Variants in RFT1 observed in about 807,000 individuals in gnomAD.
The protein encoded by RFT1 is man(5)GlcNAc(2)-PP-dolichol translocation protein RFT1.
In RFT1, 43 loss-of-function variants were observed where a neutral mutation model predicts 62.2. That is an observed-to-expected ratio of 0.69 (90% CI 0.54 to 0.89). The LOEUF (loss-of-function observed/expected upper bound fraction) is 0.89, where lower values mean the gene tolerates loss of function less well. RFT1 is among the 40% of genes least tolerant of loss of function. The pLI is 0.00. For synonymous variants in RFT1, 262 were observed against 264.6 expected (o/e 0.99, Z 0.10); for missense variants, 605 against 649.9 (o/e 0.93, Z 0.75).
At chr3:53,092,180 A>G (rs888285632) in intron 12 of RFT1, 110 bp from the exon 13 acceptor site, 3 of 1,428,528 alleles carry the variant, frequency 2.1e-6, no homozygotes, top group African/African-American at 1.4e-5. Flanking sequence ...GATAAAAGGC[A>G]TAACAGCCAT....
intron 11 of RFT1, among the ~76,000 whole-genome samples, chr3:53,097,105 CCTG>C (rs1701164344): frequency 6.6e-6 from 1 of 152,168 alleles, no homozygotes; most frequent in Non-Finnish European, 1.5e-5. Context: ...AAGTAAAATG[CCTG>C]CTTTTTTTCT....
intron 10 of RFT1, among the ~76,000 whole-genome samples, chr3:53,102,538 A>G (rs1042948359): frequency 1.8e-4 from 27 of 152,356 alleles, no homozygotes; most frequent in African/African-American, 6.3e-4. Context: ...GAAAAAAGAA[A>G]AGAAAAGAAA....
Position 53,105,364 on chromosome 3 carries a change from A to G in RFT1, c.957+309T>C, listed in dbSNP as rs564512403. Among the ~76,000 whole-genome samples, 190 of 151,602 alleles carry G rather than the reference A, an allele frequency of 1.3e-3. 1 individual carries two copies. Among genetic ancestry groups the G allele is most frequent in the South Asian group, 4.6e-3 (22 of 4,808 alleles). On this transcript the variant is annotated intron_variant, in intron 9 of 12. Transcript: ENST00000296292. Reference sequence around the variant, plus strand: ...GGGAGGTGGAGGTTGCAGTGAGCCGAGGTCATGCCACTGCACTCCAGGCTG... The same window carrying G: ...GGGAGGTGGAGGTTGCAGTGAGCCGGGGTCATGCCACTGCACTCCAGGCTG...
intron 3 of RFT1, among the ~76,000 whole-genome samples, chr3:53,122,789 C>A (rs967508298): frequency 2.6e-5 from 4 of 152,148 alleles, no homozygotes; most frequent in Non-Finnish European, 5.9e-5. Context: ...CTGAGGCTGA[C>A]AGGCACTGGG....
intron 1 of RFT1, among the ~76,000 whole-genome samples, chr3:53,126,405 GA>G (rs1702112829): frequency 6.6e-6 from 1 of 152,212 alleles, no homozygotes; most frequent in South Asian, 2.1e-4. Context: ...TAGCAAGTGG[GA>G]GCCTTAAGGG....
chr3:53,096,889 C>T (rs7640293), intron 11 of RFT1, among the ~76,000 whole-genome samples: 24,135 of 151,670 alleles, frequency 0.16, 2,747 homozygotes, highest in African/African-American at 0.32. Context: ...GGATTACAGG[C>T]GTGCGCCCCT....
At chr3:53,072,160 C>T in the RFT1 span, among the ~76,000 whole-genome samples, 3 of 152,270 alleles carry the variant, frequency 2.0e-5, no homozygotes, top group South Asian at 2.1e-4. Flanking sequence ...ATTCCTGCTG[C>T]GGCAGCCAGG....
At chr3:53,127,052 C>T (rs1702127884) in intron 1 of RFT1, among the ~76,000 whole-genome samples, 1 of 152,204 alleles carries the variant, frequency 6.6e-6, no homozygotes, top group South Asian at 2.1e-4. Context: ...CAAGAAATCA[C>T]CATCTTAACC....
chr3:53,085,086 G>C (rs1288535521), downstream of RFT1, among the ~76,000 whole-genome samples: 1 of 141,018 alleles, frequency 7.1e-6, no homozygotes, highest in Non-Finnish European at 1.6e-5. Flanking sequence ...GAGGGGGCTG[G>C]GGGCGGGAAG....
intron 6 of RFT1, among the ~76,000 whole-genome samples, chr3:53,115,568 C>A (rs564741449): frequency 6.6e-6 from 1 of 152,194 alleles, no homozygotes; most frequent in African/African-American, 2.4e-5. Flanking sequence ...TCCCTTCCCC[C>A]ATTTTCCAGC....
At chr3:53,127,988 A>G (rs936025980) in intron 1 of RFT1, among the ~76,000 whole-genome samples, 1 of 152,054 alleles carries the variant, frequency 6.6e-6, no homozygotes, top group Non-Finnish European at 1.5e-5. Context: ...TCAAGAAACC[A>G]TATAAAAATA....
intron 11 of RFT1, among the ~76,000 whole-genome samples, chr3:53,093,884 T>C (rs1266602933): frequency 6.6e-6 from 1 of 152,138 alleles, no homozygotes; most frequent in Non-Finnish European, 1.5e-5. Context: ...AGCCGTGATA[T>C]ACACCTGTTG....
chr3:53,080,574 G>C, the RFT1 span, among the ~76,000 whole-genome samples: 1 of 152,204 alleles, frequency 6.6e-6, no homozygotes, highest in Non-Finnish European at 1.5e-5. Flanking sequence ...AGCAGTAGTG[G>C]GGAAACAAAC....
chr3:53,115,875 C>T (rs1332655627), intron 6 of RFT1, among the ~76,000 whole-genome samples: 3 of 152,270 alleles, frequency 2.0e-5, no homozygotes, highest in Admixed American at 6.5e-5. Flanking sequence ...CCTATCTCTC[C>T]ATCACCATGC....
At chr3:53,071,714 AC>A in the RFT1 span, among the ~76,000 whole-genome samples, 1 of 152,224 alleles carries the variant, frequency 6.6e-6, no homozygotes, top group Non-Finnish European at 1.5e-5. Context: ...TATTGGGACA[AC>A]CAAAATCAGC....
At chr3:53,092,650 G>T in intron 11 of RFT1, 32 bp from the exon 12 acceptor site, 1 of 1,601,422 alleles carries the variant, frequency 6.2e-7, no homozygotes, top group East Asian at 2.2e-5. Flanking sequence ...GAGGGCAGTG[G>T]TGACCTTGCC....
At chr3:53,128,388 A>G (rs894199056) in intron 1 of RFT1, among the ~76,000 whole-genome samples, 8 of 152,192 alleles carry the variant, frequency 5.3e-5, no homozygotes, top group African/African-American at 1.7e-4. Flanking sequence ...GGCCATATCC[A>G]TGTCTCCTAA....
chr3:53,107,534 G>A (rs896503508), intron 7 of RFT1, among the ~76,000 whole-genome samples: 4 of 151,956 alleles, frequency 2.6e-5, no homozygotes, highest in African/African-American at 7.3e-5. Flanking sequence ...TAATCTGAGC[G>A]TAAATTATCT....
chr3:53,099,309 G>T, intron 11 of RFT1, 72 bp downstream of exon 11: 1 of 1,291,784 alleles, frequency 7.7e-7, no homozygotes, highest in Non-Finnish European at 1.1e-6. Context: ...AGAACGAAAA[G>T]CAAAAAGCTT....
Sources: allele counts gnomAD v4.1 joint callset (sites outside exome capture counted in the v4.1 genomes callset), GRCh38; gene constraint gnomAD v4.1.1; transcripts MANE v1.5; gene names NCBI Gene and HGNC (gene_info 2026-07-23, HGNC 2026-07-21).